Variants in TCF7L2 observed in about 807,000 individuals in gnomAD.
The protein encoded by TCF7L2 is transcription factor 7-like 2.
Under a neutral mutation model 77.9 loss-of-function variants are expected in TCF7L2, and 23 were observed. The ratio of observed to expected loss-of-function variants is 0.30; its 90% CI spans 0.21 to 0.42. The LOEUF is 0.42. Ranked by LOEUF, TCF7L2 falls within the 10% of genes least tolerant of loss-of-function variation. The pLI is 1.00. For missense variants in TCF7L2, 654 were observed against 793.1 expected (o/e 0.82, Z 2.11); for synonymous variants, 413 against 340.2 (o/e 1.21, Z -2.36).
In TCF7L2 at chr10:113,129,341, T is replaced by C. The variant is rs1330201264; in HGVS notation, c.553-11843T>C. ...TGGCTGACCGTAATTTCTTTGCTACTCTTAGCGGCAGCTCTGTCCCTGCTG... is the reference window on the plus strand; with the variant it reads ...TGGCTGACCGTAATTTCTTTGCTACCCTTAGCGGCAGCTCTGTCCCTGCTG... On this transcript the variant is annotated intron_variant, in intron 5 of 13. Coordinates refer to ENST00000627217, the MANE Select transcript of TCF7L2 (RefSeq NM_001146274.2). 3 of 987,304 alleles carry C rather than the reference T, an allele frequency of 3.0e-6. No homozygotes were observed. In the African/African-American group the frequency reaches 5.2e-5, roughly 17 times the overall value. 61.2% of individuals were successfully genotyped at this position (987,304 alleles called of 1,614,324 possible).
At position 113,034,692 on chromosome 10, in the gene TCF7L2, T is replaced by C. The variant is rs185025714; in HGVS notation, c.451-5333T>C. Among the ~76,000 whole-genome samples the C allele has an allele frequency of 3.7e-3, 558 of 152,184 alleles. 1 individual carries two copies. Among genetic ancestry groups the C allele is most frequent in the South Asian group, 6.2e-3 (30 of 4,824 alleles). ...GGGAGGGTCATCTGAGGTCAGGAGT[T>C]TGAGACCAGCCTGACCAACATGGTA... On this transcript the variant is annotated intron_variant, in intron 4 of 13. Coordinates refer to ENST00000627217, the MANE Select transcript of TCF7L2 (RefSeq NM_001146274.2).
At chr10:113,004,833 C>T (rs1397664221) in intron 4 of TCF7L2, among the ~76,000 whole-genome samples, 7 of 152,034 alleles carry the variant, frequency 4.6e-5, no homozygotes, top group Non-Finnish European at 8.8e-5. Context: ...CCACCATGCC[C>T]GGCTAATTTT....
At chr10:113,022,625 T>C (rs2048439350) in intron 4 of TCF7L2, among the ~76,000 whole-genome samples, 1 of 152,214 alleles carries the variant, frequency 6.6e-6, no homozygotes. Flanking sequence ...TGATTTAAAA[T>C]CTTGCAACAT....
intron 5 of TCF7L2, among the ~76,000 whole-genome samples, chr10:113,076,440 G>A (rs1377640640): frequency 6.6e-6 from 1 of 152,112 alleles, no homozygotes; most frequent in East Asian, 1.9e-4. Flanking sequence ...ACCTGAACTA[G>A]TCTTTTTGTT....
In TCF7L2 at chr10:113,133,949, C is replaced by T. The variant is rs532012087; in HGVS notation, c.553-7235C>T. On this transcript the variant is annotated intron_variant, in intron 5 of 13. Coordinates refer to ENST00000627217, the MANE Select transcript of TCF7L2 (RefSeq NM_001146274.2). The stretch of plus-strand genomic sequence containing the variant: ...GCCAGAGGATGCAGGCTGTGTACTG[C>T]GGCTGGCAGGGTGGGCTTTGCTTTT... Among the ~76,000 whole-genome samples the T allele has an allele frequency of 8.6e-4, 131 of 152,330 alleles. 2 individuals are homozygous for T. In the South Asian group the frequency reaches 0.027, roughly 31 times the overall value.
rs2072329346 is a variant in TCF7L2, at chr10:113,158,016, T to C, written c.1270-5T>C. On this transcript the variant is annotated splice_region_variant and splice_polypyrimidine_tract_variant and intron_variant, in intron 11 of 13. Transcript: ENST00000627217. The stretch of plus-strand genomic sequence containing the variant: ...TAATTCCCTGTGTTTCATCTCTTCA[T>C]CTAGGGAAAGAAGAAGAAGAGGAAA... 1.3e-6 allele frequency: 2 copies of C among 1,587,764 alleles called. No homozygotes were observed. The highest frequency in any genetic ancestry group is 2.3e-5 in the East Asian group (1 of 44,244).
chr10:113,143,268 C>T (rs187865408), intron 6 of TCF7L2, among the ~76,000 whole-genome samples: 10 of 152,374 alleles, frequency 6.6e-5, no homozygotes, highest in Admixed American at 3.3e-4. Context: ...TCCCCACAGA[C>T]GACTCTGTCC....
At chr10:113,028,763 C>G (rs1285425267) in intron 4 of TCF7L2, among the ~76,000 whole-genome samples, 3 of 152,168 alleles carry the variant, frequency 2.0e-5, no homozygotes, top group African/African-American at 4.8e-5. Context: ...AAAAATCAAG[C>G]CTTGAGAGCT....
chr10:113,146,858 G>T (rs1274174210), intron 8 of TCF7L2, among the ~76,000 whole-genome samples: 1 of 151,926 alleles, frequency 6.6e-6, no homozygotes, highest in African/African-American at 2.4e-5. Flanking sequence ...CACGTGGCTG[G>T]TGCATATCAT....
chr10:112,954,277 A>G (rs1182018653), intron 3 of TCF7L2, among the ~76,000 whole-genome samples: 2 of 152,036 alleles, frequency 1.3e-5, no homozygotes, highest in Non-Finnish European at 2.9e-5. Context: ...TTTTTGCTAC[A>G]TTTTCTGTTA....
intron 4 of TCF7L2, among the ~76,000 whole-genome samples, chr10:113,005,276 C>CT (rs922079377): frequency 6.6e-6 from 1 of 152,124 alleles, no homozygotes; most frequent in African/African-American, 2.4e-5. Context: ...CAGCACTGTG[C>CT]ATGTTGTGGG....
chr10:113,066,322 G>A (rs748506160), intron 5 of TCF7L2, among the ~76,000 whole-genome samples: 7 of 151,282 alleles, frequency 4.6e-5, no homozygotes, highest in Non-Finnish European at 7.4e-5. Context: ...CTGAGATTGC[G>A]CCATTGCACT....
At chr10:113,111,796 T>TA (rs34897458) in intron 5 of TCF7L2, among the ~76,000 whole-genome samples, 5,680 of 117,948 alleles carry the variant, frequency 0.048, 153 homozygotes, top group Non-Finnish European at 0.066. Context: ...TTTCTTTAAA[T>TA]AAATAAAATA....
intron 5 of TCF7L2, among the ~76,000 whole-genome samples, chr10:113,045,428 G>C (rs2053263442): frequency 6.6e-6 from 1 of 152,200 alleles, no homozygotes; most frequent in African/African-American, 2.4e-5. Context: ...CTGGGAAAGA[G>C]ACAAATAAGT....
chr10:112,978,489 G>A (rs1302540169), intron 4 of TCF7L2, among the ~76,000 whole-genome samples: 3 of 149,916 alleles, frequency 2.0e-5, no homozygotes, highest in South Asian at 2.1e-4. Flanking sequence ...TTTTTGAGAC[G>A]GAGTCTTGCT....
At position 113,141,313 on chromosome 10, in the gene TCF7L2, A is replaced by G. The variant is rs979033229; in HGVS notation, c.682A>G (p.Thr228Ala). 3 of 1,614,032 alleles carry G rather than the reference A, an allele frequency of 1.9e-6. No individual in the cohort carries two copies. The highest frequency in any genetic ancestry group is 2.5e-6 in the Non-Finnish European group (3 of 1,179,964). ...CTTACCAGCCGACGTAGACCCCAAA[A>G]CAGGTAGGCTGTGGGCTACGGAGCC... The change falls in exon 6 of 14, where the codon ACA becomes GCA. Residue 228 changes from threonine to alanine, a missense_variant. Coordinates refer to ENST00000627217, the MANE Select transcript of TCF7L2 (RefSeq NM_001146274.2).
intron 5 of TCF7L2, among the ~76,000 whole-genome samples, chr10:113,080,114 T>C (rs960989182): frequency 1.3e-5 from 2 of 151,738 alleles, no homozygotes; most frequent in Non-Finnish European, 2.9e-5. Context: ...GCACACACAA[T>C]TTAGGGTTTT....
At chr10:112,992,694 C>T (rs1351415681) in intron 4 of TCF7L2, among the ~76,000 whole-genome samples, 1 of 152,064 alleles carries the variant, frequency 6.6e-6, no homozygotes, top group Non-Finnish European at 1.5e-5. Flanking sequence ...GGAAACCCCT[C>T]CTGAGGACTG....
chr10:112,963,448 G>A (rs946955411), intron 3 of TCF7L2, among the ~76,000 whole-genome samples: 1 of 152,154 alleles, frequency 6.6e-6, no homozygotes, highest in African/African-American at 2.4e-5. Flanking sequence ...GAGTAGTAAC[G>A]GTAGTTTATT....
Sources: gnomAD v4.1 joint callset for allele counts (sites outside exome capture counted in the v4.1 genomes callset) on GRCh38, gnomAD v4.1.1 for gene constraint, MANE v1.5 for transcripts, NCBI Gene and HGNC (gene_info 2026-07-23, HGNC 2026-07-21) for gene names.